The following TUBGCP4 variants were observed in gnomAD, a reference collection of about 807,000 sequenced individuals.
TUBGCP4 encodes the protein gamma-tubulin complex component 4.
A neutral mutation model predicts 91.6 loss-of-function variants in TUBGCP4; 54 were observed. That is an observed-to-expected ratio of 0.59 (90% CI 0.47 to 0.74). TUBGCP4 has a LOEUF of 0.74. Ranked by LOEUF, TUBGCP4 falls within the 30% of genes least tolerant of loss-of-function variation. The pLI is 0.00. For synonymous variants in TUBGCP4, 297 were observed against 302.8 expected (o/e 0.98, Z 0.20); for missense variants, 593 against 800.9 (o/e 0.74, Z 3.13).
At chr15:43,395,196 G>T (rs1298715880) in intron 10 of TUBGCP4, 39 bp downstream of exon 10, 3 of 1,609,390 alleles carry the variant, frequency 1.9e-6, no homozygotes, top group South Asian at 2.2e-5. Flanking sequence ...GGTGATGCTG[G>T]TAGGCAGTGA....
At chr15:43,393,625 T>A (rs1218267377) in intron 9 of TUBGCP4, among the ~76,000 whole-genome samples, 1 of 151,840 alleles carries the variant, frequency 6.6e-6, no homozygotes, top group East Asian at 1.9e-4. Context: ...GTCCCCGGTG[T>A]GTGATGTTCC....
intron 5 of TUBGCP4, 115 bp downstream of exon 5, chr15:43,378,018 A>G: frequency 1.3e-6 from 1 of 780,448 alleles, no homozygotes; most frequent in Non-Finnish European, 2.0e-6. Context: ...TTATTTATTC[A>G]TTCATTTAAC....
At chr15:43,382,732 A>G (rs560148270) in intron 6 of TUBGCP4, among the ~76,000 whole-genome samples, 1 of 152,334 alleles carries the variant, frequency 6.6e-6, no homozygotes, top group East Asian at 1.9e-4. Context: ...TTATAGAGGT[A>G]CATTTTCCCC....
intron 15 of TUBGCP4, 39 bp from the exon 16 acceptor site, chr15:43,403,644 T>C: frequency 1.4e-6 from 2 of 1,436,256 alleles, no homozygotes; most frequent in Non-Finnish European, 2.0e-6. Context: ...TGGATGTACC[T>C]TCCTTCCTTT....
chr15:43,376,416 A>G, intron 2 of TUBGCP4, 87 bp from the exon 3 acceptor site: 1 of 1,612,780 alleles, frequency 6.2e-7, no homozygotes, highest in Non-Finnish European at 8.5e-7. Flanking sequence ...TTGTTTGTAT[A>G]ACTTTTAAAA....
chr15:43,379,493 A>C (rs913691637), intron 5 of TUBGCP4, among the ~76,000 whole-genome samples: 2 of 152,090 alleles, frequency 1.3e-5, no homozygotes, highest in Non-Finnish European at 2.9e-5. Flanking sequence ...TACAAAAAAA[A>C]TTAGCCAGGC....
chr15:43,392,983 C>G (rs1446486911), intron 9 of TUBGCP4, among the ~76,000 whole-genome samples: 5 of 152,194 alleles, frequency 3.3e-5, no homozygotes, highest in African/African-American at 9.7e-5. Context: ...CTCCCTGTCA[C>G]TCTAGGTTAG....
At chr15:43,395,005 A>AAAAG (rs1376027867) in intron 9 of TUBGCP4, 102 bp from the exon 10 acceptor site, 10 of 1,256,324 alleles carry the variant, frequency 8.0e-6, no homozygotes, top group Non-Finnish European at 1.2e-5. Flanking sequence ...GGGGCAAGGT[A>AAAAG]TAGTCTTCTT....
chr15:43,380,296 A>G, intron 6 of TUBGCP4, 133 bp downstream of exon 6: 3 of 798,360 alleles, frequency 3.8e-6, no homozygotes, highest in Non-Finnish European at 6.1e-6. Flanking sequence ...AAAAAGCTCC[A>G]TGAGCAGAGG....
At chr15:43,398,849 C>G (rs2044623770) in intron 13 of TUBGCP4, among the ~76,000 whole-genome samples, 2 of 152,190 alleles carry the variant, frequency 1.3e-5, no homozygotes. Flanking sequence ...TTATCTGTCC[C>G]TCCCCCACTT....
intron 9 of TUBGCP4, among the ~76,000 whole-genome samples, chr15:43,393,090 G>A (rs141910232): frequency 3.4e-4 from 52 of 152,260 alleles, no homozygotes; most frequent in Non-Finnish European, 7.2e-4. Flanking sequence ...ATTATTTTGA[G>A]ATGAACCCAT....
rs201911391 is a variant in TUBGCP4, at chr15:43,376,157, C to T, written c.138C>T (p.Cys46=). 3.7e-5 allele frequency: 59 copies of T among 1,614,050 alleles called. No homozygotes were observed. Among genetic ancestry groups the T allele is most frequent in the Non-Finnish European group, 4.9e-5 (58 of 1,180,042 alleles). ...PSETSVLNRL[C]RLGTDYIRFT... is the part of the protein sequence containing the mutation. ...AGACCAGTGTCCTGAATCGACTCTGCCGGCTCGGCACAGACTATATTCGCT... is the reference window on the plus strand; with the variant it reads ...AGACCAGTGTCCTGAATCGACTCTGTCGGCTCGGCACAGACTATATTCGCT... The change falls in exon 2 of 18, where the codon TGC becomes TGT. Residue 46 remains cysteine (C), a synonymous_variant. Coordinates refer to ENST00000564079, the MANE Select transcript of TUBGCP4 (RefSeq NM_014444.5).
intron 14 of TUBGCP4, 49 bp downstream of exon 14, chr15:43,400,270 G>T (rs2044651388): frequency 6.4e-7 from 1 of 1,561,454 alleles, no homozygotes; most frequent in Non-Finnish European, 8.8e-7. Flanking sequence ...AAAACGTCTA[G>T]GAGGTTGGCA....
At chr15:43,400,016 C>G in intron 13 of TUBGCP4, 28 bp from the exon 14 acceptor site, 1 of 1,580,444 alleles carries the variant, frequency 6.3e-7, no homozygotes, top group East Asian at 2.3e-5. Flanking sequence ...AAATTTTTGT[C>G]TTGAATATCC....
At position 43,377,915 on chromosome 15, in the gene TUBGCP4, C is replaced by A; in HGVS notation, c.441+12C>A. 1 of 1,588,958 alleles carries A rather than the reference C, an allele frequency of 6.3e-7. No homozygotes were observed. The highest frequency in any genetic ancestry group is 8.5e-7 in the Non-Finnish European group (1 of 1,170,562). ...TTAAAAGTCAAAAGGTGAGAACTTT[C>A]CTTATTCCTTTTGCTTTGCTAAGCA... On this transcript the variant is annotated intron_variant, in intron 5 of 17. Coordinates refer to ENST00000564079, the MANE Select transcript of TUBGCP4 (RefSeq NM_014444.5).
chr15:43,395,757 C>A, intron 11 of TUBGCP4, 69 bp downstream of exon 11: 1 of 1,323,830 alleles, frequency 7.6e-7, no homozygotes, highest in Non-Finnish European at 1.1e-6. Flanking sequence ...CTGCTGCTGA[C>A]CCTTTTAAGG....
In TUBGCP4 at chr15:43,396,107, T is replaced by TTC. The variant is rs113203652; in HGVS notation, c.1171+432_1171+433dup. Among the ~76,000 whole-genome samples, 128 of 152,022 alleles carry TTC rather than the reference T, an allele frequency of 8.4e-4. 1 individual carries two copies. The highest frequency in any genetic ancestry group is 2.3e-3 in the African/African-American group (96 of 41,474). ...ACCCCAGTGGGAAAACTTCGATTCA[T>TTC]TCTCTCTCTCTCTCATTCACTCATT... On this transcript the variant is annotated intron_variant, in intron 11 of 17. Transcript: ENST00000564079.
chr15:43,377,821 C>T (rs751660996), intron 4 of TUBGCP4, 26 bp from the exon 5 acceptor site: 3 of 1,561,352 alleles, frequency 1.9e-6, no homozygotes, highest in Admixed American at 3.7e-5. Context: ...GATTACATAC[C>T]CTTCTAATTA....
At chr15:43,382,390 G>A (rs1308575247) in intron 6 of TUBGCP4, among the ~76,000 whole-genome samples, 2 of 152,016 alleles carry the variant, frequency 1.3e-5, no homozygotes, top group Non-Finnish European at 1.5e-5. Flanking sequence ...TCCAGGATCC[G>A]ATCAGTGTTC....
Sources: gnomAD v4.1 joint callset for allele counts (sites outside exome capture counted in the v4.1 genomes callset) on GRCh38, gnomAD v4.1.1 for gene constraint, MANE v1.5 for transcripts, NCBI Gene and HGNC (gene_info 2026-07-23, HGNC 2026-07-21) for gene names.